ABLIM1: variants seen among roughly 807,000 people sequenced by gnomAD.
The protein encoded by ABLIM1 is actin-binding LIM protein 1.
Under a neutral mutation model 107.0 loss-of-function variants are expected in ABLIM1, and 40 were observed. The observed-to-expected ratio is 0.37, with a 90% CI of 0.29 to 0.49. The LOEUF is 0.49. ABLIM1 is among the 20% of genes least tolerant of loss of function. The pLI is 0.97. For synonymous variants in ABLIM1, 357 were observed against 357.3 expected (o/e 1.00, Z 0.01); for missense variants, 857 against 1,008.5 (o/e 0.85, Z 2.04).
At chr10:114,514,553 T>A (rs1565739272) in intron 6 of ABLIM1, among the ~76,000 whole-genome samples, 2 of 152,054 alleles carry the variant, frequency 1.3e-5, no homozygotes, top group African/African-American at 2.4e-5. Flanking sequence ...TTAAAAAAAT[T>A]TTTTTTGTAG....
chr10:114,546,172 G>A (rs1466249533), intron 5 of ABLIM1, among the ~76,000 whole-genome samples: 1 of 151,946 alleles, frequency 6.6e-6, no homozygotes, highest in Non-Finnish European at 1.5e-5. Context: ...AAGCTATAGA[G>A]TGCCACCCTA....
At chr10:114,777,602 G>A in the ABLIM1 span, among the ~76,000 whole-genome samples, 3 of 152,210 alleles carry the variant, frequency 2.0e-5, no homozygotes, top group Admixed American at 6.5e-5. Context: ...ATGAAATTGG[G>A]ATATTTCACT....
chr10:114,467,665 T>C (rs994042080), intron 11 of ABLIM1, among the ~76,000 whole-genome samples: 5 of 152,222 alleles, frequency 3.3e-5, no homozygotes, highest in Non-Finnish European at 7.3e-5. Flanking sequence ...GAAAATATTA[T>C]GGTATTTTTA....
intron 13 of ABLIM1, among the ~76,000 whole-genome samples, chr10:114,451,883 C>T (rs549203357): frequency 4.6e-5 from 7 of 152,244 alleles, no homozygotes; most frequent in African/African-American, 1.7e-4. Context: ...CTTTGTAATA[C>T]ATCTTAGGAT....
chr10:114,643,947 T>C (rs12161653), intron 1 of ABLIM1, among the ~76,000 whole-genome samples: 12,531 of 151,922 alleles, frequency 0.082, 989 homozygotes, highest in East Asian at 0.44. Context: ...CTACAGCATG[T>C]TTCTTTCGGA....
the ABLIM1 span, among the ~76,000 whole-genome samples, chr10:114,780,185 T>C: frequency 6.6e-6 from 1 of 152,154 alleles, no homozygotes; most frequent in Non-Finnish European, 1.5e-5. Context: ...AATTTTGGCC[T>C]GAGTTGCAGA....
At chr10:114,706,018 G>C (rs2081414125) in intron 1 of ABLIM1, among the ~76,000 whole-genome samples, 1 of 152,142 alleles carries the variant, frequency 6.6e-6, no homozygotes, top group African/African-American at 2.4e-5. Flanking sequence ...TGGATCCTTT[G>C]AAAAATCACC....
In ABLIM1 at chr10:114,601,907, T is replaced by C. The variant is rs2076040244; in HGVS notation, c.299A>G (p.His100Arg). 1 of 1,614,188 alleles carries C rather than the reference T, an allele frequency of 6.2e-7. No homozygotes were observed. Among genetic ancestry groups the C allele is most frequent in the Non-Finnish European group, 8.5e-7 (1 of 1,180,026 alleles). ...ACCCTTGCAAGGCTCCCCACATTTA[T>C]GGCAGTGAATGACAGGCTTCTCTGA... The part of the protein sequence containing the change: ...HPSEKPVIHC[H>R]KCGEPCKGEV... The change falls in exon 2 of 23, where the codon CAT becomes CGT. Residue 100 changes from histidine to arginine, a missense_variant. Physicochemically the swap from His to Arg is conservative, Grantham distance 29. This residue lies in a region of ABLIM1 where 176 missense variants were observed against 173.5 expected (regional missense o/e 1.01). Coordinates refer to ENST00000533213, the MANE Select transcript of ABLIM1 (RefSeq NM_002313.7).
At chr10:114,568,740 T>C (rs2071186220) in intron 4 of ABLIM1, among the ~76,000 whole-genome samples, 1 of 152,234 alleles carries the variant, frequency 6.6e-6, no homozygotes, top group Non-Finnish European at 1.5e-5. Context: ...TGGGATTTCA[T>C]CCATTGGAAG....
intron 1 of ABLIM1, among the ~76,000 whole-genome samples, chr10:114,736,905 T>C (rs808335): frequency 0.057 from 8,624 of 152,144 alleles, 323 homozygotes; most frequent in Middle Eastern, 0.092. Flanking sequence ...TTTGGGAGAA[T>C]TGGCCCAGCG....
chr10:114,476,599 G>C (rs769434162), intron 8 of ABLIM1, among the ~76,000 whole-genome samples: 8 of 151,312 alleles, frequency 5.3e-5, no homozygotes, highest in African/African-American at 2.4e-5. Flanking sequence ...AACCGAGATT[G>C]TGCCACTGCA....
intron 1 of ABLIM1, among the ~76,000 whole-genome samples, chr10:114,605,084 A>G (rs564027563): frequency 3.0e-4 from 46 of 152,314 alleles, no homozygotes; most frequent in Non-Finnish European, 7.4e-5. Flanking sequence ...TTTCCTTCAC[A>G]CAACAGCCTA....
chr10:114,781,552 A>G, the ABLIM1 span, among the ~76,000 whole-genome samples: 84 of 149,030 alleles, frequency 5.6e-4, no homozygotes, highest in Admixed American at 2.0e-3. Flanking sequence ...ATATCTATAT[A>G]TGTGTGTGTG....
At chr10:114,455,960 C>A (rs1456732897) in intron 12 of ABLIM1, among the ~76,000 whole-genome samples, 1 of 152,140 alleles carries the variant, frequency 6.6e-6, no homozygotes, top group Admixed American at 6.5e-5. Flanking sequence ...CTACAGGCGC[C>A]CGCCACCGCG....
At chr10:114,444,226 C>A in intron 16 of ABLIM1, 92 bp from the exon 17 acceptor site, 1 of 1,104,788 alleles carries the variant, frequency 9.1e-7, no homozygotes, top group Non-Finnish European at 1.3e-6. Flanking sequence ...GCAGATCCCA[C>A]AAGAAGTTTC....
chr10:114,745,972 C>T (rs2082376384), intron 1 of ABLIM1, among the ~76,000 whole-genome samples: 1 of 152,064 alleles, frequency 6.6e-6, no homozygotes, highest in African/African-American at 2.4e-5. Flanking sequence ...AGAGAAAGGT[C>T]TTCTAGATAT....
chr10:114,553,232 C>T (rs914115368), intron 4 of ABLIM1, among the ~76,000 whole-genome samples: 6 of 152,172 alleles, frequency 3.9e-5, no homozygotes, highest in South Asian at 2.1e-4. Flanking sequence ...TCCCAGCCAC[C>T]GCTACCTTCC....
intron 1 of ABLIM1, among the ~76,000 whole-genome samples, chr10:114,706,171 A>G (rs765022291): frequency 6.6e-6 from 1 of 152,238 alleles, no homozygotes; most frequent in Non-Finnish European, 1.5e-5. Context: ...ATATAATTAG[A>G]GAAGGAGAAG....
chr10:114,566,382 C>T (rs1329268665), intron 4 of ABLIM1, among the ~76,000 whole-genome samples: 1 of 152,158 alleles, frequency 6.6e-6, no homozygotes, highest in African/African-American at 2.4e-5. Flanking sequence ...AAACCCGATT[C>T]CCTACACTCT....
Sources: gnomAD v4.1 joint callset for allele counts (sites outside exome capture counted in the v4.1 genomes callset) on GRCh38, gnomAD v4.1.1 for gene constraint, gnomAD v4.1.1 regional missense constraint, MANE v1.5 for transcripts, NCBI Gene and HGNC (gene_info 2026-07-23, HGNC 2026-07-21) for gene names.